LRRIQ3: variants seen among roughly 807,000 people sequenced by gnomAD.
LRRIQ3 encodes the protein leucine-rich repeat and IQ domain-containing protein 3.
A neutral mutation model predicts 59.3 loss-of-function variants in LRRIQ3; 75 were observed. The observed-to-expected ratio is 1.26, with a 90% CI of 1.05 to 1.53. LRRIQ3 has a LOEUF of 1.53. LRRIQ3 is among the 40% of genes most tolerant of loss of function. LRRIQ3 has a pLI of 0.00. For synonymous variants in LRRIQ3, 250 were observed against 231.3 expected (o/e 1.08, Z -0.73); for missense variants, 831 against 710.0 (o/e 1.17, Z -1.94).
chr1:74,129,303 T>A (rs1646978754), intron 4 of LRRIQ3, among the ~76,000 whole-genome samples: 1 of 151,994 alleles, frequency 6.6e-6, no homozygotes, highest in Non-Finnish European at 1.5e-5. Context: ...CAAAACAAAG[T>A]CCTTCCCTAC....
At chr1:74,093,243 T>C (rs1646413066) in intron 5 of LRRIQ3, among the ~76,000 whole-genome samples, 1 of 152,088 alleles carries the variant, frequency 6.6e-6, no homozygotes, top group Non-Finnish European at 1.5e-5. Context: ...ACAAATTCCC[T>C]AATACCTAAT....
At chr1:74,057,057 G>A (rs1654557685) in intron 6 of LRRIQ3, among the ~76,000 whole-genome samples, 1 of 152,156 alleles carries the variant, frequency 6.6e-6, no homozygotes, top group East Asian at 1.9e-4. Context: ...CAGCCATGCA[G>A]AACTGTGAGT....
At chr1:74,053,404 T>TCTGCC (rs1276287678) in intron 6 of LRRIQ3, among the ~76,000 whole-genome samples, 1 of 152,122 alleles carries the variant, frequency 6.6e-6, no homozygotes, top group African/African-American at 2.4e-5. Flanking sequence ...AATTAAAATT[T>TCTGCC]CTGCCCTGCA....
At chr1:74,099,928 T>C (rs1235797886) in intron 5 of LRRIQ3, among the ~76,000 whole-genome samples, 1 of 152,128 alleles carries the variant, frequency 6.6e-6, no homozygotes, top group South Asian at 2.1e-4. Flanking sequence ...GGGCTATCTA[T>C]GACAAACCCA....
chr1:74,178,828 C>T (rs1296976594), intron 3 of LRRIQ3, among the ~76,000 whole-genome samples: 1 of 152,022 alleles, frequency 6.6e-6, no homozygotes, highest in Non-Finnish European at 1.5e-5. Flanking sequence ...ATAAAATGAA[C>T]GGACTTCACT....
At chr1:74,081,161 C>T (rs1486871937) in intron 5 of LRRIQ3, among the ~76,000 whole-genome samples, 2 of 151,398 alleles carry the variant, frequency 1.3e-5, no homozygotes, top group East Asian at 1.9e-4. Context: ...ACCCTTGATA[C>T]GCAGGAGAGA....
At chr1:74,168,878 C>A (rs1649154191) in intron 3 of LRRIQ3, among the ~76,000 whole-genome samples, 1 of 152,006 alleles carries the variant, frequency 6.6e-6, no homozygotes, top group South Asian at 2.1e-4. Context: ...TCTAAAAGTT[C>A]TTTTGGTTGT....
At chr1:74,158,731 A>T (rs1648490470) in intron 3 of LRRIQ3, among the ~76,000 whole-genome samples, 1 of 152,128 alleles carries the variant, frequency 6.6e-6, no homozygotes, top group Non-Finnish European at 1.5e-5. Flanking sequence ...GAAAAGAAGC[A>T]CCCTGCTCTT....
At chr1:74,029,806 C>T (rs557537175) in intron 7 of LRRIQ3, among the ~76,000 whole-genome samples, 3 of 152,092 alleles carry the variant, frequency 2.0e-5, no homozygotes, top group South Asian at 2.1e-4. Flanking sequence ...TGGTAGAATT[C>T]GGCTGTGAAT....
At chr1:74,132,595 A>G (rs1647044267) in intron 4 of LRRIQ3, among the ~76,000 whole-genome samples, 1 of 152,130 alleles carries the variant, frequency 6.6e-6, no homozygotes, top group African/African-American at 2.4e-5. Flanking sequence ...GACAAACCTG[A>G]CAAAAACAAG....
Position 74,041,195 on chromosome 1 carries a change from T to C in LRRIQ3, c.1718+18A>G. 6 of 1,509,806 alleles carry C rather than the reference T, an allele frequency of 4.0e-6. No homozygotes were observed. Among genetic ancestry groups the C allele is most frequent in the Non-Finnish European group, 5.4e-6 (6 of 1,114,396 alleles). The allele number at this position is 1,509,806 out of a possible 1,614,324, so 93.5% of individuals were successfully genotyped here. The stretch of plus-strand genomic sequence containing the variant: ...GTAATTGACTTTAATGCCTCTGTTA[T>C]ATCTAAATTGTACCTACCTAACTTT... On this transcript the variant is annotated intron_variant, in intron 7 of 7. Transcript: ENST00000354431.
intron 5 of LRRIQ3, among the ~76,000 whole-genome samples, chr1:74,077,724 C>T (rs189661016): frequency 4.9e-4 from 74 of 151,876 alleles, no homozygotes; most frequent in Middle Eastern, 6.8e-3. Flanking sequence ...GGGAACAAAT[C>T]TACAGAAAGA....
At chr1:74,120,437 T>A (rs1412359178) in intron 4 of LRRIQ3, among the ~76,000 whole-genome samples, 4 of 152,010 alleles carry the variant, frequency 2.6e-5, no homozygotes, top group Non-Finnish European at 5.9e-5. Flanking sequence ...CTTAAATATT[T>A]TCCGGTTTTA....
chr1:74,183,979 T>A (rs1213596328), intron 1 of LRRIQ3, among the ~76,000 whole-genome samples: 1 of 152,000 alleles, frequency 6.6e-6, no homozygotes, highest in Non-Finnish European at 1.5e-5. Context: ...GAAACTGAGA[T>A]AAAATCATCC....
At chr1:74,193,604 T>C (rs570605128) in intron 1 of LRRIQ3, among the ~76,000 whole-genome samples, 104 of 152,114 alleles carry the variant, frequency 6.8e-4, no homozygotes, top group Non-Finnish European at 1.2e-3. Context: ...TAATAAATAT[T>C]GGGAAAAAAG....
Position 74,194,362 on chromosome 1 carries a change from T to C in LRRIQ3, c.-1+3634A>G, listed in dbSNP as rs568334033. Reference sequence around the variant, plus strand: ...GAAAATGAACACAGAATATAGTGCATTTATAACTTAATATAAATAACCTTG... The same window carrying C: ...GAAAATGAACACAGAATATAGTGCACTTATAACTTAATATAAATAACCTTG... On this transcript the variant is annotated intron_variant, in intron 1 of 7. Coordinates refer to ENST00000354431, the MANE Select transcript of LRRIQ3 (RefSeq NM_001105659.2). 2.6e-3 allele frequency among the ~76,000 whole-genome samples: 398 copies of C among 152,326 alleles called. 2 individuals are homozygous for C. The highest frequency in any genetic ancestry group is 5.0e-3 in the Non-Finnish European group (338 of 68,022).
chr1:74,074,831 CAT>C lies in LRRIQ3; in HGVS notation c.868-43_868-42del, dbSNP rs773298674. 8.6e-6 allele frequency: 9 copies of C among 1,050,402 alleles called. No homozygotes were observed. The South Asian group carries it at 1.8e-4, about 21-fold the overall frequency. The allele number at this position is 1,050,402 out of a possible 1,614,324, so 65.1% of individuals were successfully genotyped here. On this transcript the variant is annotated intron_variant, in intron 5 of 7. Coordinates refer to ENST00000354431, the MANE Select transcript of LRRIQ3 (RefSeq NM_001105659.2). ...AAAAGCAATGACAATGATAATATCT[CAT>C]GTGTTTTAGAGTTCTTCAAGGGTTT...
intron 6 of LRRIQ3, among the ~76,000 whole-genome samples, chr1:74,069,120 A>T (rs772839771): frequency 6.6e-6 from 1 of 152,066 alleles, no homozygotes; most frequent in Non-Finnish European, 1.5e-5. Flanking sequence ...GCTGAATAGG[A>T]AGTAGCAGTT....
chr1:74,156,623 A>G (rs1014832859), intron 3 of LRRIQ3, among the ~76,000 whole-genome samples: 3 of 152,156 alleles, frequency 2.0e-5, no homozygotes, highest in Non-Finnish European at 1.5e-5. Context: ...ATGAAACTGC[A>G]AATACTCTGT....
Sources: allele counts gnomAD v4.1 joint callset (sites outside exome capture counted in the v4.1 genomes callset), GRCh38; gene constraint gnomAD v4.1.1; transcripts MANE v1.5; gene names NCBI Gene and HGNC (gene_info 2026-07-23, HGNC 2026-07-21).